Variants in SNTG1 observed in about 807,000 individuals in gnomAD.
The protein encoded by SNTG1 is syntrophin gamma 1.
In SNTG1, 39 loss-of-function variants were observed where a neutral mutation model predicts 74.7. That is an observed-to-expected ratio of 0.52 (90% CI 0.40 to 0.68). The LOEUF is 0.68. Among genes scored for constraint, SNTG1 ranks in the 30% least tolerant of loss-of-function variants. SNTG1 has a pLI of 0.00. For missense variants in SNTG1, 685 were observed against 609.5 expected, an observed-to-expected ratio of 1.12 and a Z score of -1.30; for synonymous variants, 254 against 217.1, an observed-to-expected ratio of 1.17 and a Z score of -1.49.
intron 10 of SNTG1, among the ~76,000 whole-genome samples, chr8:50,531,900 A>G (rs1345919777): frequency 6.6e-6 from 1 of 152,176 alleles, no homozygotes; most frequent in Non-Finnish European, 1.5e-5. Flanking sequence ...TCAGAGTGGC[A>G]GGTCTAAGGG....
chr8:50,717,097 A>G (rs2095476962), intron 17 of SNTG1, among the ~76,000 whole-genome samples: 7 of 152,204 alleles, frequency 4.6e-5, no homozygotes, highest in Admixed American at 4.6e-4. Flanking sequence ...CACATAATTC[A>G]CTGCTATGTT....
At chr8:50,523,862 C>T (rs1418525195) in intron 9 of SNTG1, among the ~76,000 whole-genome samples, 1 of 152,058 alleles carries the variant, frequency 6.6e-6, no homozygotes, top group Non-Finnish European at 1.5e-5. Context: ...GAAGCAAAAT[C>T]GAGCAAAATG....
At chr8:50,051,280 G>C (rs1425059407) in intron 1 of SNTG1, among the ~76,000 whole-genome samples, 5 of 108,884 alleles carry the variant, frequency 4.6e-5, no homozygotes, top group Non-Finnish European at 1.0e-4. Context: ...AAACAAACAA[G>C]AAGAAAACAT....
At chr8:50,339,748 A>G (rs2091263807) in intron 2 of SNTG1, among the ~76,000 whole-genome samples, 1 of 151,954 alleles carries the variant, frequency 6.6e-6, no homozygotes, top group Admixed American at 6.6e-5. Flanking sequence ...ACAAATAAAA[A>G]GGGCAACAAA....
intron 2 of SNTG1, among the ~76,000 whole-genome samples, chr8:50,212,583 G>T (rs1235245882): frequency 6.6e-6 from 1 of 152,140 alleles, no homozygotes; most frequent in Non-Finnish European, 1.5e-5. Flanking sequence ...AAAGGGGAAA[G>T]CTGATAATAC....
chr8:50,536,401 A>G (rs1319924054), intron 10 of SNTG1, among the ~76,000 whole-genome samples: 2 of 152,132 alleles, frequency 1.3e-5, no homozygotes, highest in Non-Finnish European at 2.9e-5. Flanking sequence ...TCACATTCTT[A>G]TCCTTTCCTT....
At chr8:50,550,213 G>A (rs2130573763) in intron 11 of SNTG1, among the ~76,000 whole-genome samples, 1 of 152,248 alleles carries the variant, frequency 6.6e-6, no homozygotes, top group Admixed American at 6.5e-5. Flanking sequence ...GTGAGCAGTG[G>A]TTCCTTGCAG....
At chr8:50,276,208 T>C (rs2130359068) in intron 2 of SNTG1, among the ~76,000 whole-genome samples, 1 of 152,136 alleles carries the variant, frequency 6.6e-6, no homozygotes, top group East Asian at 1.9e-4. Flanking sequence ...TGGTAGATGA[T>C]GGAACAGTTC....
intron 4 of SNTG1, among the ~76,000 whole-genome samples, chr8:50,425,381 T>C (rs1281415455): frequency 6.6e-6 from 1 of 151,980 alleles, no homozygotes; most frequent in Non-Finnish European, 1.5e-5. Context: ...CTATTATGAA[T>C]TGCACACGCC....
At chr8:50,445,624 C>T (rs1285845594) in intron 5 of SNTG1, among the ~76,000 whole-genome samples, 3 of 152,154 alleles carry the variant, frequency 2.0e-5, no homozygotes, top group African/African-American at 4.8e-5. Context: ...CAAAGCTGAA[C>T]GATGTATGTG....
In SNTG1 at chr8:50,786,598, A is replaced by G. The variant is rs750315533; in HGVS notation, c.1396-6073A>G. On this transcript the variant is annotated intron_variant, in intron 18 of 18. Transcript: ENST00000642720. ...CCCCAGTTCCATATTTCAAAACACT[A>G]CAAAGCTATGGTCACCATGGCTTTG... Among the ~76,000 whole-genome samples, 6 of 152,044 alleles carry G rather than the reference A, an allele frequency of 3.9e-5. No individual in the cohort carries two copies. In the South Asian group the frequency reaches 8.3e-4, roughly 21 times the overall value.
rs181236591 is a variant in SNTG1, at chr8:50,150,918, G to A, written c.-102-21643G>A. ...AGGCTTTGGTATCAGGATGATGCTG[G>A]CCTCATAAAATGAGTTAGGGAGGAT... On this transcript the variant is annotated intron_variant, in intron 1 of 18. Transcript: ENST00000642720. Among the ~76,000 whole-genome samples the A allele has an allele frequency of 7.5e-3, 1,145 of 152,296 alleles. 9 individuals carry two copies. The highest frequency in any genetic ancestry group is 0.012 in the Non-Finnish European group (811 of 68,026).
At chr8:49,951,028 C>T (rs755768944) in intron 1 of SNTG1, among the ~76,000 whole-genome samples, 21 of 152,136 alleles carry the variant, frequency 1.4e-4, no homozygotes, top group African/African-American at 5.1e-4. Flanking sequence ...ATTCATAAAA[C>T]CCTTACAATC....
intron 11 of SNTG1, among the ~76,000 whole-genome samples, chr8:50,545,762 A>G (rs1585638357): frequency 6.6e-6 from 1 of 152,086 alleles, no homozygotes; most frequent in African/African-American, 2.4e-5. Context: ...GAGTGCACAC[A>G]CTTGTTTACC....
intron 2 of SNTG1, among the ~76,000 whole-genome samples, chr8:50,194,571 A>G (rs1181631124): frequency 1.3e-5 from 2 of 151,880 alleles, no homozygotes; most frequent in African/African-American, 4.8e-5. Context: ...TTTCTTGGTT[A>G]ATCTTGCTAA....
chr8:50,294,178 A>G (rs2089257822), intron 2 of SNTG1, among the ~76,000 whole-genome samples: 1 of 152,216 alleles, frequency 6.6e-6, no homozygotes, highest in Non-Finnish European at 1.5e-5. Context: ...ATAACCTAAT[A>G]TTATTACACT....
At chr8:50,679,556 T>C (rs2095323011) in intron 15 of SNTG1, among the ~76,000 whole-genome samples, 1 of 152,152 alleles carries the variant, frequency 6.6e-6, no homozygotes, top group East Asian at 1.9e-4. Flanking sequence ...GAATAAATGC[T>C]ACCCTTGAAG....
At chr8:50,264,607 G>C (rs1043902616) in intron 2 of SNTG1, among the ~76,000 whole-genome samples, 3 of 149,946 alleles carry the variant, frequency 2.0e-5, no homozygotes, top group African/African-American at 7.3e-5. Flanking sequence ...CCAGAAAAAT[G>C]AAAGTAAACT....
intron 2 of SNTG1, among the ~76,000 whole-genome samples, chr8:50,319,499 T>C (rs1440128569): frequency 6.6e-6 from 1 of 152,198 alleles, no homozygotes; most frequent in African/African-American, 2.4e-5. Flanking sequence ...AATATAAGAT[T>C]ACATCCTCTG....
Sources: allele counts gnomAD v4.1 joint callset (sites outside exome capture counted in the v4.1 genomes callset), GRCh38; gene constraint gnomAD v4.1.1; transcripts MANE v1.5; gene names NCBI Gene and HGNC (gene_info 2026-07-23, HGNC 2026-07-21).